The following LDLRAD3 variants were observed in gnomAD, a reference collection of about 807,000 sequenced individuals.
LDLRAD3 encodes low-density lipoprotein receptor class A domain-containing protein 3.
LDLRAD3 carries 20 observed loss-of-function variants against 29.4 expected under a neutral mutation model. The observed-to-expected ratio is 0.68, with a 90% CI of 0.48 to 0.99. LDLRAD3 has a LOEUF of 0.99. LDLRAD3 is among the 50% of genes least tolerant of loss of function. The pLI is 0.00. For missense variants in LDLRAD3, 420 were observed against 454.3 expected (o/e 0.92, Z 0.69); for synonymous variants, 157 against 192.7 (o/e 0.81, Z 1.53).
intron 2 of LDLRAD3, among the ~76,000 whole-genome samples, chr11:36,069,381 T>C (rs1292528141): frequency 6.6e-6 from 1 of 152,202 alleles, no homozygotes; most frequent in Non-Finnish European, 1.5e-5. Flanking sequence ...AGTTTGACCT[T>C]TTACCAAATG....
At position 36,100,466 on chromosome 11, in the gene LDLRAD3, G is replaced by A. The variant is rs190018815; in HGVS notation, c.454+2005G>A. On this transcript the variant is annotated intron_variant, in intron 4 of 5. Transcript: ENST00000315571. ...TTTTTGGGGGGATGGCATGGACGGAGTCTTGCTCTGTCACCCAGGCTGAAG... is the reference window on the plus strand; with the variant it reads ...TTTTTGGGGGGATGGCATGGACGGAATCTTGCTCTGTCACCCAGGCTGAAG... 4.3e-4 allele frequency among the ~76,000 whole-genome samples: 65 copies of A among 152,306 alleles called. No individual in the cohort carries two copies. In the East Asian group the frequency reaches 0.01, roughly 24 times the overall value.
intron 4 of LDLRAD3, among the ~76,000 whole-genome samples, chr11:36,187,039 A>T (rs946677685): frequency 6.6e-6 from 1 of 152,092 alleles, no homozygotes. Flanking sequence ...TCTCTAGCAG[A>T]TGTGTGTGAC....
chr11:36,033,428 T>C (rs992765095), intron 1 of LDLRAD3, among the ~76,000 whole-genome samples: 2 of 152,194 alleles, frequency 1.3e-5, no homozygotes, highest in Non-Finnish European at 2.9e-5. Context: ...GCCGCCAGCC[T>C]TATTGACTCT....
chr11:36,071,800 G>T (rs572992611), intron 2 of LDLRAD3, among the ~76,000 whole-genome samples: 7 of 152,106 alleles, frequency 4.6e-5, no homozygotes, highest in South Asian at 4.1e-4. Context: ...CAGCAGCATC[G>T]CCTGGGAGCT....
At chr11:36,008,903 T>C (rs963773163) in intron 1 of LDLRAD3, among the ~76,000 whole-genome samples, 42 of 152,238 alleles carry the variant, frequency 2.8e-4, no homozygotes, top group Non-Finnish European at 7.3e-5. Flanking sequence ...GCATTACAAC[T>C]GTGGAGATTA....
At chr11:36,010,691 C>T (rs1257858741) in intron 1 of LDLRAD3, among the ~76,000 whole-genome samples, 6 of 152,138 alleles carry the variant, frequency 3.9e-5, no homozygotes, top group South Asian at 2.1e-4. Context: ...TTTAGCTCAG[C>T]GTTTCATTTG....
At chr11:36,182,826 A>G (rs1854784294) in intron 4 of LDLRAD3, among the ~76,000 whole-genome samples, 1 of 152,320 alleles carries the variant, frequency 6.6e-6, no homozygotes, top group Middle Eastern at 3.4e-3. Context: ...GTCTTTGGGA[A>G]GGCATTCCTG....
chr11:36,153,731 G>A (rs1250229153), intron 4 of LDLRAD3, among the ~76,000 whole-genome samples: 4 of 152,154 alleles, frequency 2.6e-5, no homozygotes, highest in African/African-American at 9.7e-5. Flanking sequence ...AAAGGAGAAG[G>A]GAGGAATGCA....
chr11:36,030,349 C>G (rs543610309), intron 1 of LDLRAD3, among the ~76,000 whole-genome samples: 1 of 152,244 alleles, frequency 6.6e-6, no homozygotes, highest in Non-Finnish European at 1.5e-5. Context: ...AACCTAGAGT[C>G]GAGGAGGTCT....
chr11:36,152,186 T>C (rs1854287310), intron 4 of LDLRAD3, among the ~76,000 whole-genome samples: 2 of 152,342 alleles, frequency 1.3e-5, no homozygotes, highest in Non-Finnish European at 2.9e-5. Flanking sequence ...AATCCATAGA[T>C]GAGTCTCACT....
intron 2 of LDLRAD3, among the ~76,000 whole-genome samples, chr11:36,046,586 A>G (rs77590148): frequency 1.0e-3 from 159 of 152,204 alleles, no homozygotes; most frequent in African/African-American, 3.8e-3. Context: ...CTTTATCTTA[A>G]CTTCATTATA....
At chr11:36,185,227 C>T (rs2133360670) in intron 4 of LDLRAD3, among the ~76,000 whole-genome samples, 1 of 151,892 alleles carries the variant, frequency 6.6e-6, no homozygotes, top group East Asian at 1.9e-4. Context: ...ATTTTACTGA[C>T]CTTTGCCCAG....
chr11:36,154,977 C>T (rs924284796), intron 4 of LDLRAD3, among the ~76,000 whole-genome samples: 3 of 152,198 alleles, frequency 2.0e-5, no homozygotes, highest in Admixed American at 2.0e-4. Context: ...AGCTCCTCCT[C>T]TTCCCCATTT....
intron 2 of LDLRAD3, among the ~76,000 whole-genome samples, chr11:36,047,383 C>G (rs1174038255): frequency 6.6e-6 from 1 of 151,960 alleles, no homozygotes; most frequent in Admixed American, 6.6e-5. Flanking sequence ...TTTTAAATTC[C>G]GAGACACACA....
Position 36,168,498 on chromosome 11 carries a change from CTTTTTT to C in LDLRAD3, c.455-58571_455-58566del, listed in dbSNP as rs5791083. Among the ~76,000 whole-genome samples, 32 of 115,804 alleles carry C rather than the reference CTTTTTT, an allele frequency of 2.8e-4. No homozygotes were observed. In the East Asian group the frequency reaches 3.0e-3, roughly 11 times the overall value. The allele number at this position is 115,804 out of a possible 152,430, so 76.0% of individuals were successfully genotyped here. The stretch of plus-strand genomic sequence containing the variant: ...ATTTTATTCCGTTTTTTTCTTTCTT[CTTTTTT>C]TTTTTTTTTTTTTTTACTGCCTCAG... On this transcript the variant is annotated intron_variant, in intron 4 of 5. Transcript: ENST00000315571.
At chr11:35,986,178 T>C (rs1407583) in intron 1 of LDLRAD3, among the ~76,000 whole-genome samples, 16,847 of 152,148 alleles carry the variant, frequency 0.11, 2,955 homozygotes, top group African/African-American at 0.38. Context: ...TAAAGGGCCA[T>C]TGGGATTGCA....
rs1387194537 is a variant in LDLRAD3 at position 35,944,994 on chromosome 11, C to A, written c.46+850C>A. Among the ~76,000 whole-genome samples the A allele has an allele frequency of 3.3e-5, 5 of 152,230 alleles. No homozygotes were observed. Among genetic ancestry groups the A allele is most frequent in the Admixed American group, 3.3e-4 (5 of 15,290 alleles). ...TGATCCGAATTCCAGCCTGGGAGCC[C>A]TTCCTCCTCTGCCCCTGCCCGCCGC... On this transcript the variant is annotated intron_variant, in intron 1 of 5. Coordinates refer to ENST00000315571, the MANE Select transcript of LDLRAD3 (RefSeq NM_174902.4). This position sits in a 1 kb window ranked among gnomAD's most constrained non-coding sequence, Gnocchi z 4.9.
intron 1 of LDLRAD3, among the ~76,000 whole-genome samples, chr11:35,982,651 G>T (rs933871958): frequency 6.6e-6 from 1 of 152,088 alleles, no homozygotes; most frequent in African/African-American, 2.4e-5. Flanking sequence ...GGCATGTCTG[G>T]GTAGCTGCCA....
rs553908847 is a variant in LDLRAD3, at chr11:36,144,085, C to T, written c.454+45624C>T. Among the ~76,000 whole-genome samples, 1,503 of 152,196 alleles carry T rather than the reference C, an allele frequency of 9.9e-3. 19 individuals carry two copies. Among genetic ancestry groups the T allele is most frequent in the Non-Finnish European group, 0.014 (968 of 67,996 alleles). ...CTGCGATTGCAGGCGCGCGCCACCA[C>T]GCCTGACTGGTTTTCGTATTTTTTT... On this transcript the variant is annotated intron_variant, in intron 4 of 5. Transcript: ENST00000315571.
Sources: gnomAD v4.1 joint callset for allele counts (sites outside exome capture counted in the v4.1 genomes callset) on GRCh38, gnomAD v4.1.1 for gene constraint, Gnocchi (gnomAD v3.1) non-coding constraint, MANE v1.5 for transcripts, NCBI Gene and HGNC (gene_info 2026-07-23, HGNC 2026-07-21) for gene names.